PRKCZ: variants seen among roughly 807,000 people sequenced by gnomAD.
PRKCZ encodes protein kinase C zeta type.
A neutral mutation model predicts 79.5 loss-of-function variants in PRKCZ; 33 were observed. The observed-to-expected ratio is 0.41, with a 90% confidence interval of 0.31 to 0.55. The LOEUF is 0.55. Ranked by LOEUF, PRKCZ falls within the 20% of genes least tolerant of loss-of-function variation. The probability of loss-of-function intolerance (pLI) is 0.19; values close to 1 mark genes in which losing one functional copy is unlikely to be tolerated. For missense variants in PRKCZ, 578 were observed against 813.5 expected (o/e 0.71, Z 3.52); for synonymous variants, 342 against 320.9 (o/e 1.07, Z -0.70).
At chr1:2,074,369 C>A in intron 4 of PRKCZ, 1 of 1,504,276 alleles carries the variant, frequency 6.6e-7, no homozygotes, top group South Asian at 1.2e-5. Flanking sequence ...CGTCTGCCTG[C>A]CTGGCCCCAG....
chr1:2,082,635 A>G lies in PRKCZ; in HGVS notation c.334+23044A>G, dbSNP rs973706758. On this transcript the variant is annotated intron_variant, in intron 4 of 17. Coordinates refer to ENST00000378567, the MANE Select transcript of PRKCZ (RefSeq NM_002744.6). The surrounding 1 kb of genome is among the most constrained non-coding windows in gnomAD (Gnocchi z 4.4). The stretch of plus-strand genomic sequence containing the variant: ...TCAGGCTGCCGAAGTGGAGGGGTTC[A>G]GTGAAGGTGGAGTTGGGCAAGGGCG... Among the ~76,000 whole-genome samples, 4 of 152,126 alleles carry G rather than the reference A, an allele frequency of 2.6e-5. No homozygotes were observed. The highest frequency in any genetic ancestry group is 5.9e-5 in the Non-Finnish European group (4 of 68,014).
intron 4 of PRKCZ, among the ~76,000 whole-genome samples, chr1:2,063,103 CTCCT>C (rs946855418): frequency 1.7e-4 from 26 of 152,148 alleles, no homozygotes; most frequent in African/African-American, 6.0e-4. Context: ...GTGTCACAGT[CTCCT>C]TCCTTCTCAA....
At chr1:2,171,278 C>G (rs1684372629) in intron 11 of PRKCZ, among the ~76,000 whole-genome samples, 1 of 145,658 alleles carries the variant, frequency 6.9e-6, no homozygotes. Context: ...GTGGGCAGAG[C>G]TTACAGTGAG....
At chr1:2,120,130 AT>A (rs1671566099) in intron 4 of PRKCZ, among the ~76,000 whole-genome samples, 1 of 151,996 alleles carries the variant, frequency 6.6e-6, no homozygotes, top group African/African-American at 2.4e-5. Flanking sequence ...GGAAGGCAAC[AT>A]CTCTTTTCTC....
intron 4 of PRKCZ, among the ~76,000 whole-genome samples, chr1:2,124,606 TGA>T (rs1673506128): frequency 6.6e-6 from 1 of 152,080 alleles, no homozygotes. Context: ...CTCGGAAACA[TGA>T]GAAAGTCAAT....
intron 1 of PRKCZ, among the ~76,000 whole-genome samples, chr1:2,051,804 C>T (rs1327349202): frequency 6.6e-6 from 1 of 152,180 alleles, no homozygotes; most frequent in Non-Finnish European, 1.5e-5. Context: ...GGTCAGCCAT[C>T]TGGGGCTGCT....
At chr1:2,059,271 C>T (rs1250214645) in intron 3 of PRKCZ, among the ~76,000 whole-genome samples, 3 of 152,252 alleles carry the variant, frequency 2.0e-5, no homozygotes, top group Non-Finnish European at 2.9e-5. Context: ...TTTAAAAATA[C>T]AAATCAGTAG....
chr1:2,122,123 GGTGGTGGTTAGGGTC>G (rs1226793505), intron 4 of PRKCZ, among the ~76,000 whole-genome samples: 3 of 42,958 alleles, frequency 7.0e-5, no homozygotes, highest in South Asian at 8.5e-4. Context: ...TTAGGGTCAC[GGTGGTGGTTAGGGTC>G]GTGGTGGTTA....
At chr1:2,110,900 C>G (rs1489357387) in intron 4 of PRKCZ, among the ~76,000 whole-genome samples, 1 of 151,988 alleles carries the variant, frequency 6.6e-6, no homozygotes, top group Non-Finnish European at 1.5e-5. Flanking sequence ...CGGTGTAGTT[C>G]CTGAGAGACC....
chr1:2,129,148 C>T (rs1052138825), intron 4 of PRKCZ, among the ~76,000 whole-genome samples: 2 of 152,264 alleles, frequency 1.3e-5, no homozygotes, highest in Non-Finnish European at 2.9e-5. Context: ...ACTGAGGGAA[C>T]CTTCTAGTCA....
chr1:2,104,668 G>A (rs1029376655), intron 4 of PRKCZ: 2 of 985,498 alleles, frequency 2.0e-6, no homozygotes, highest in Non-Finnish European at 2.4e-6. Context: ...TGTGGGTGGG[G>A]ACTGGGAGGA....
intron 10 of PRKCZ, among the ~76,000 whole-genome samples, chr1:2,164,996 G>A (rs545129754): frequency 5.9e-4 from 90 of 152,318 alleles, no homozygotes; most frequent in African/African-American, 1.9e-3. Context: ...GAGGACACCC[G>A]TGTTTGCCTT....
At chr1:2,091,372 A>G (rs976468219) in intron 4 of PRKCZ, among the ~76,000 whole-genome samples, 1 of 152,216 alleles carries the variant, frequency 6.6e-6, no homozygotes, top group Admixed American at 6.5e-5. Context: ...TACCTATAAC[A>G]TAAAATTCAC....
At chr1:2,136,790 T>C (rs568580152) in intron 5 of PRKCZ, among the ~76,000 whole-genome samples, 1 of 152,116 alleles carries the variant, frequency 6.6e-6, no homozygotes, top group African/African-American at 2.4e-5. Context: ...AGGACACACG[T>C]TGTGAGTCTT....
chr1:2,179,966 G>A (rs1156279591), intron 16 of PRKCZ, among the ~76,000 whole-genome samples: 2 of 152,214 alleles, frequency 1.3e-5, no homozygotes, highest in Non-Finnish European at 2.9e-5. Flanking sequence ...GCTGGGTCTG[G>A]GCAGCGGGTG....
At chr1:2,090,798 G>C (rs889924923) in intron 4 of PRKCZ, among the ~76,000 whole-genome samples, 4 of 152,234 alleles carry the variant, frequency 2.6e-5, no homozygotes, top group Non-Finnish European at 4.4e-5. Flanking sequence ...CCTGGTTGTG[G>C]GTTTTTGGTT....
chr1:2,169,014 C>G, intron 10 of PRKCZ: 1 of 374,760 alleles, frequency 2.7e-6, no homozygotes, highest in South Asian at 1.9e-5. Flanking sequence ...CACTTCCCAC[C>G]TGGCTTCTCC....
rs887893160 is a variant in PRKCZ, at chr1:2,177,009, C to A, written c.1575+1696C>A. ...GCAAATTCTTCATTTAAATTTATGC[C>A]TCTGGTAGCATAAGGGAGAAGAGAT... On this transcript the variant is annotated intron_variant, in intron 16 of 17. Coordinates refer to ENST00000378567, the MANE Select transcript of PRKCZ (RefSeq NM_002744.6). The surrounding 1 kb of genome is among the most constrained non-coding windows in gnomAD (Gnocchi z 6.4). 1.3e-5 allele frequency among the ~76,000 whole-genome samples: 2 copies of A among 152,264 alleles called. No homozygotes were observed. Among genetic ancestry groups the A allele is most frequent in the Non-Finnish European group, 2.9e-5 (2 of 68,044 alleles).
intron 4 of PRKCZ, among the ~76,000 whole-genome samples, chr1:2,097,903 C>T (rs1012658303): frequency 5.9e-5 from 9 of 152,240 alleles, no homozygotes; most frequent in Middle Eastern, 3.2e-3. Flanking sequence ...CTCATCCTAA[C>T]GCAGCCAGTC....
Sources: allele counts gnomAD v4.1 joint callset (sites outside exome capture counted in the v4.1 genomes callset), GRCh38; gene constraint gnomAD v4.1.1; non-coding constraint Gnocchi (gnomAD v3.1); transcripts MANE v1.5; gene names NCBI Gene and HGNC (gene_info 2026-07-23, HGNC 2026-07-21).